The following POLE2 variants were observed in gnomAD, a reference collection of about 807,000 sequenced individuals.
POLE2 encodes DNA polymerase epsilon subunit 2.
POLE2 carries 56 observed loss-of-function variants against 79.4 expected under a neutral mutation model. The observed-to-expected ratio is 0.71, with a 90% CI of 0.57 to 0.88. POLE2 has a LOEUF of 0.88. POLE2 is among the 40% of genes least tolerant of loss of function. The pLI is 0.00. For missense variants in POLE2, 598 were observed against 638.9 expected (o/e 0.94, Z 0.69); for synonymous variants, 212 against 214.0 (o/e 0.99, Z 0.08).
chr14:49,674,879 A>G (rs1298581057), intron 3 of POLE2, among the ~76,000 whole-genome samples: 2 of 151,928 alleles, frequency 1.3e-5, no homozygotes, highest in Non-Finnish European at 2.9e-5. Flanking sequence ...AATTTCTTAT[A>G]GTGTCAAAAA....
chr14:49,676,050 C>A (rs1325884262), intron 3 of POLE2, among the ~76,000 whole-genome samples: 7 of 152,262 alleles, frequency 4.6e-5, no homozygotes, highest in South Asian at 4.2e-4. Flanking sequence ...CCGCGCCCTG[C>A]CAAATCTAAA....
At chr14:49,685,947 G>A (rs1887104766) in intron 1 of POLE2, among the ~76,000 whole-genome samples, 1 of 152,090 alleles carries the variant, frequency 6.6e-6, no homozygotes, top group African/African-American at 2.4e-5. Flanking sequence ...CATTCTTTAA[G>A]TCAGCCCAAA....
At chr14:49,660,548 A>G (rs886690745) in intron 10 of POLE2, among the ~76,000 whole-genome samples, 4 of 152,090 alleles carry the variant, frequency 2.6e-5, no homozygotes, top group Non-Finnish European at 4.4e-5. Context: ...CCAATGCAGC[A>G]TACTGGCTTG....
Position 49,655,748 on chromosome 14 carries a change from T to C in POLE2, c.851A>G (p.Asp284Gly), listed in dbSNP as rs779344619. ...ATCAGATAAAAACACAAACATAGCATCTTTATTCTCCTCTTCTAGCTGTTT... is the reference window on the plus strand; with the variant it reads ...ATCAGATAAAAACACAAACATAGCACCTTTATTCTCCTCTTCTAGCTGTTT... ...KLKQLEEENKDAMFVFLSDVW... is the reference protein window; with the variant it reads ...KLKQLEEENKGAMFVFLSDVW... The change falls in exon 11 of 19, where the codon GAT becomes GGT. Residue 284 changes from aspartate to glycine, a missense_variant. Coordinates refer to ENST00000216367, the MANE Select transcript of POLE2 (RefSeq NM_002692.4). 2.5e-6 allele frequency: 4 copies of C among 1,610,798 alleles called. No homozygotes were observed. The Admixed American group carries it at 6.7e-5, about 27-fold the overall frequency.
intron 9 of POLE2, among the ~76,000 whole-genome samples, chr14:49,664,041 G>GA (rs35626789): frequency 7.8e-4 from 91 of 116,884 alleles, no homozygotes; most frequent in African/African-American, 9.2e-4. Context: ...CATCTCAAAA[G>GA]AAAAAAAAAA....
chr14:49,684,460 G>C (rs1395267491), intron 1 of POLE2: 1 of 148,106 alleles, frequency 6.8e-6, no homozygotes, highest in Non-Finnish European at 1.5e-5. Context: ...GCGAGACTCC[G>C]TCTCAAAAAA....
rs1233647648 is a variant in POLE2 at position 49,654,205 on chromosome 14, A to G, written c.1083T>C (p.Phe361=). 1 of 1,608,122 alleles carries G rather than the reference A, an allele frequency of 6.2e-7. No homozygotes were observed. The highest frequency in any genetic ancestry group is 8.5e-7 in the Non-Finnish European group (1 of 1,175,598). ...GATCCTCTGGACCAGGTACAAACAC[A>G]AAACGACTACTGTAGCAAAATTCAA... ...EYPDIHQSSR[F]VFVPGPEDPG... The change falls in exon 14 of 19, where the codon TTT becomes TTC. Residue 361 remains phenylalanine, a synonymous_variant. Transcript: ENST00000216367.
chr14:49,661,012 C>T (rs1187692144), intron 10 of POLE2, among the ~76,000 whole-genome samples: 2 of 152,068 alleles, frequency 1.3e-5, no homozygotes, highest in Non-Finnish European at 2.9e-5. Context: ...TCACTGCAAC[C>T]TCCGCCTCCA....
In POLE2 at chr14:49,654,826, GT is replaced by G; in HGVS notation, c.1030del (p.Thr344LeufsTer5). On this transcript the variant is annotated frameshift_variant, in exon 13 of 19. Transcript: ENST00000216367. LOFTEE classifies it high-confidence loss of function. Reference protein sequence around the residue: ...QVQALKDSLKTLADIICEYPD... With the variant: ...QVQALKDSLKXLADIICEYPD... ...GTATTCACATATTATATCTGCCAAA[GT>G]TTTTAGGGAATCTAAAATTTTAAAA... The G allele has an allele frequency of 2.0e-6, 3 of 1,485,320 alleles. No homozygotes were observed. Among genetic ancestry groups the G allele is most frequent in the East Asian group, 2.6e-5 (1 of 39,042 alleles). 92.0% of individuals were successfully genotyped at this position (1,485,320 alleles called of 1,614,324 possible).
chr14:49,671,300 G>A (rs772103837), intron 5 of POLE2, among the ~76,000 whole-genome samples: 2 of 152,108 alleles, frequency 1.3e-5, no homozygotes, highest in Non-Finnish European at 2.9e-5. Flanking sequence ...GCAAGGCAGG[G>A]CCAAGTCCAG....
chr14:49,646,469 C>G (rs1003081810), intron 18 of POLE2: 1 of 151,846 alleles, frequency 6.6e-6, no homozygotes, highest in Non-Finnish European at 1.5e-5. Flanking sequence ...ATTACAGGCA[C>G]ACGCCACCAC....
chr14:49,682,466 G>A (rs45473298), intron 2 of POLE2, among the ~76,000 whole-genome samples: 9 of 150,600 alleles, frequency 6.0e-5, no homozygotes, highest in South Asian at 2.1e-4. Context: ...GTGAAACCTC[G>A]TCTCCACTAA....
At chr14:49,654,605 A>T in intron 13 of POLE2, 179 bp downstream of exon 13, 1 of 712,378 alleles carries the variant, frequency 1.4e-6, no homozygotes, top group Non-Finnish European at 2.1e-6. Flanking sequence ...CCCTTTCAAT[A>T]CTTTTCATTA....
intron 1 of POLE2, chr14:49,684,600 G>C (rs1245595378): frequency 6.6e-6 from 1 of 150,854 alleles, no homozygotes; most frequent in African/African-American, 2.4e-5. Context: ...AGAGGCCCTC[G>C]GGCCTGACAA....
intron 18 of POLE2, among the ~76,000 whole-genome samples, chr14:49,646,302 GTTTTTTTTTTTTT>G (rs1162033821): frequency 9.9e-4 from 84 of 84,568 alleles, no homozygotes; most frequent in Middle Eastern, 8.5e-3. Flanking sequence ...TTTTTTGTTG[GTTTTTTTTTTTTT>G]TTTTTTTTTT....
chr14:49,649,137 C>CTTTTT (rs374201091), intron 17 of POLE2, among the ~76,000 whole-genome samples: 16 of 108,786 alleles, frequency 1.5e-4, no homozygotes, highest in South Asian at 2.7e-4. Context: ...ATTTCTTTCC[C>CTTTTT]TTTTTTTTTT....
intron 18 of POLE2, chr14:49,646,928 C>G (rs1883819540): frequency 6.1e-6 from 1 of 165,118 alleles, no homozygotes; most frequent in Non-Finnish European, 1.3e-5. Flanking sequence ...AACTCACACA[C>G]AGCTCCCTCA....
chr14:49,662,400 A>G (rs1366627914), intron 10 of POLE2, among the ~76,000 whole-genome samples: 1 of 152,212 alleles, frequency 6.6e-6, no homozygotes, highest in African/African-American at 2.4e-5. Context: ...TGGTAAAACT[A>G]AAATCTTAAT....
intron 3 of POLE2, chr14:49,677,705 A>G (rs1469197852): frequency 7.3e-7 from 1 of 1,379,182 alleles, no homozygotes; most frequent in Non-Finnish European, 9.9e-7. Flanking sequence ...GAAACGTGAC[A>G]GTGTGGCCCT....
Sources: gnomAD v4.1 joint callset for allele counts (sites outside exome capture counted in the v4.1 genomes callset) on GRCh38, gnomAD v4.1.1 for gene constraint, MANE v1.5 for transcripts, NCBI Gene and HGNC (gene_info 2026-07-23, HGNC 2026-07-21) for gene names.